The following CAPZB variants were observed in gnomAD, a reference collection of about 807,000 sequenced individuals.
The protein encoded by CAPZB is F-actin-capping protein subunit beta.
In CAPZB, 2 loss-of-function variants were observed where a neutral mutation model predicts 38.1. The observed-to-expected ratio is 0.05, with a 90% confidence interval of 0.02 to 0.17. CAPZB has a LOEUF of 0.17. CAPZB is among the 10% of genes least tolerant of loss of function. The probability of loss-of-function intolerance (pLI) is 1.00; values close to 1 mark genes in which losing one functional copy is unlikely to be tolerated. For missense variants in CAPZB, 161 were observed against 334.2 expected (o/e 0.48, Z 4.04); for synonymous variants, 107 against 127.4 (o/e 0.84, Z 1.08).
At chr1:19,389,349 G>A (rs1284775260) in intron 2 of CAPZB, among the ~76,000 whole-genome samples, 2 of 152,158 alleles carry the variant, frequency 1.3e-5, no homozygotes, top group Admixed American at 6.5e-5. Flanking sequence ...AACAGAGGGA[G>A]GCCAGTTCAG....
rs2094648590 is a variant in CAPZB at position 19,485,504 on chromosome 1, G to A, written c.-66C>T. On this transcript the variant is annotated 5_prime_UTR_variant, in exon 1 of 9. Coordinates refer to ENST00000264202, the MANE Select transcript of CAPZB (RefSeq NM_004930.5). ...GCTCTCCCCCCCGCAGCAGGGCCCG[G>A]CGCTTCCACTTCCCCGGGTGCCCAG... is the stretch of plus-strand genomic sequence containing the variant. 4.1e-6 allele frequency: 5 copies of A among 1,216,824 alleles called. No individual in the cohort carries two copies. Among genetic ancestry groups the A allele is most frequent in the Admixed American group, 8.5e-5 (2 of 23,500 alleles). 75.4% of individuals were successfully genotyped at this position (1,216,824 alleles called of 1,614,324 possible).
intron 2 of CAPZB, among the ~76,000 whole-genome samples, chr1:19,414,361 G>A (rs2094370290): frequency 1.3e-5 from 2 of 152,190 alleles, no homozygotes; most frequent in Non-Finnish European, 1.5e-5. Context: ...GCTGAAAACA[G>A]TTAACCTATG....
chr1:19,460,872 G>A (rs934468487), intron 1 of CAPZB, among the ~76,000 whole-genome samples: 2 of 152,070 alleles, frequency 1.3e-5, no homozygotes, highest in Non-Finnish European at 2.9e-5. Flanking sequence ...TTCTGAACAT[G>A]CATAAGCATA....
intron 1 of CAPZB, among the ~76,000 whole-genome samples, chr1:19,474,019 A>G (rs2094598601): frequency 6.6e-6 from 1 of 151,640 alleles, no homozygotes; most frequent in African/African-American, 2.4e-5. Flanking sequence ...TTTTTGAGAC[A>G]GGGTCTCACT....
chr1:19,369,412 C>T (rs1236594838), intron 4 of CAPZB, among the ~76,000 whole-genome samples: 1 of 152,266 alleles, frequency 6.6e-6, no homozygotes. Flanking sequence ...TCTGTGAAAA[C>T]AACACAATAG....
chr1:19,417,810 C>T (rs576656526), intron 2 of CAPZB, among the ~76,000 whole-genome samples: 5 of 152,264 alleles, frequency 3.3e-5, no homozygotes, highest in East Asian at 1.9e-4. Flanking sequence ...AAACTGGACC[C>T]GGCCAATCTA....
intron 1 of CAPZB, among the ~76,000 whole-genome samples, chr1:19,458,415 G>A (rs2094540058): frequency 6.6e-6 from 1 of 152,206 alleles, no homozygotes; most frequent in East Asian, 1.9e-4. Context: ...GTGCAGTGGT[G>A]CGATCTCAGC....
intron 4 of CAPZB, among the ~76,000 whole-genome samples, chr1:19,365,682 A>G (rs572162144): frequency 1.1e-4 from 16 of 152,082 alleles, no homozygotes; most frequent in African/African-American, 3.9e-4. Context: ...AAAACACACA[A>G]AATTAGTCGG....
intron 2 of CAPZB, among the ~76,000 whole-genome samples, chr1:19,410,907 C>T (rs1054331115): frequency 9.9e-5 from 15 of 152,190 alleles, no homozygotes; most frequent in Admixed American, 2.6e-4. Context: ...AGGTCAGAGA[C>T]TCACTGCCCT....
intron 1 of CAPZB, among the ~76,000 whole-genome samples, chr1:19,480,418 C>G (rs908112436): frequency 8.5e-5 from 13 of 152,198 alleles, no homozygotes; most frequent in African/African-American, 2.9e-4. Flanking sequence ...GAGTGGCAGA[C>G]AGGACTCAAA....
At position 19,341,672 on chromosome 1, in the gene CAPZB, G is replaced by A. The variant is rs371162738; in HGVS notation, c.732-2055C>T. Among the ~76,000 whole-genome samples, 39 of 152,314 alleles carry A rather than the reference G, an allele frequency of 2.6e-4. 1 individual carries two copies. The highest frequency in any genetic ancestry group is 7.9e-4 in the African/African-American group (33 of 41,576). ...CCAGGACGCCCCCAGTGGGCGGCCA[G>A]GGAACTGCACCATCACGGTGTATCT... On this transcript the variant is annotated intron_variant, in intron 8 of 8. Coordinates refer to ENST00000264202, the MANE Select transcript of CAPZB (RefSeq NM_004930.5).
Position 19,422,130 on chromosome 1 carries a change from G to A in CAPZB, c.4-2380C>T, listed in dbSNP as rs144894214. 1.6e-3 allele frequency among the ~76,000 whole-genome samples: 237 copies of A among 152,244 alleles called. 1 individual carries two copies. Among genetic ancestry groups the A allele is most frequent in the African/African-American group, 5.4e-3 (225 of 41,532 alleles). On this transcript the variant is annotated intron_variant, in intron 1 of 8. Coordinates refer to ENST00000264202, the MANE Select transcript of CAPZB (RefSeq NM_004930.5). ...TATAAACTAGTATTTCTCAACTAGG[G>A]ATGATTTTGCACACGTGCACACACA... is the stretch of plus-strand genomic sequence containing the variant.
intron 1 of CAPZB, among the ~76,000 whole-genome samples, chr1:19,431,590 G>A (rs1010373850): frequency 3.9e-5 from 6 of 152,008 alleles, no homozygotes; most frequent in Non-Finnish European, 8.8e-5. Context: ...GCGTGGTGGC[G>A]GGCGCCTGTA....
chr1:19,457,937 G>A (rs117595319), intron 1 of CAPZB, among the ~76,000 whole-genome samples: 17 of 152,276 alleles, frequency 1.1e-4, no homozygotes, highest in South Asian at 2.1e-4. Flanking sequence ...GATGTTTAAG[G>A]AGTAAACAGC....
rs201882034 is a variant in CAPZB at position 19,366,283 on chromosome 1, A to AATATATATATAT, written c.330-8732_330-8721dup. 4.4e-3 allele frequency among the ~76,000 whole-genome samples: 266 copies of AATATATATATAT among 60,464 alleles called. 7 individuals are homozygous for AATATATATATAT. The highest frequency in any genetic ancestry group is 0.016 in the African/African-American group (244 of 15,664). The allele number at this position is 60,464 out of a possible 152,430, so 39.7% of individuals were successfully genotyped here. On this transcript the variant is annotated intron_variant, in intron 4 of 8. Transcript: ENST00000264202. ...GCAACATAGTGAGACCGTGTCTTAA[A>AATATATATATAT]ATATATATATATATATATATATATA...
At chr1:19,470,062 A>T (rs773538478) in intron 1 of CAPZB, among the ~76,000 whole-genome samples, 1 of 152,142 alleles carries the variant, frequency 6.6e-6, no homozygotes, top group Non-Finnish European at 1.5e-5. Context: ...TCTACAAAAA[A>T]TACAAAAATT....
intron 1 of CAPZB, among the ~76,000 whole-genome samples, chr1:19,434,067 G>C (rs74056878): frequency 0.014 from 2,072 of 152,310 alleles, 54 homozygotes; most frequent in African/African-American, 0.047. Context: ...CCCAAGACCT[G>C]TCATAACGTT....
chr1:19,415,362 G>C lies in CAPZB; in HGVS notation c.93+4299C>G, dbSNP rs116717327. On this transcript the variant is annotated intron_variant, in intron 2 of 8. Transcript: ENST00000264202. ...CACGAGACAAAGGCCTGGATCCTTT[G>C]CCTTTAGACAGGTGCATAATAGTGT... is the stretch of plus-strand genomic sequence containing the variant. 2.0e-3 allele frequency among the ~76,000 whole-genome samples: 300 copies of C among 152,336 alleles called. 2 individuals are homozygous for C. Among genetic ancestry groups the C allele is most frequent in the African/African-American group, 7.0e-3 (290 of 41,570 alleles).
At position 19,416,964 on chromosome 1, in the gene CAPZB, A is replaced by G. The variant is rs1464312792; in HGVS notation, c.93+2697T>C. The stretch of plus-strand genomic sequence containing the variant: ...GTGGTAGATACGGCCTGGCACTTCA[A>G]CCTGTGTCCAAGTACCATCCTGCAA... On this transcript the variant is annotated intron_variant, in intron 2 of 8. Transcript: ENST00000264202. Among the ~76,000 whole-genome samples the G allele has an allele frequency of 1.3e-5, 2 of 151,552 alleles. 1 individual carries two copies. Among genetic ancestry groups the G allele is most frequent in the Non-Finnish European group, 2.9e-5 (2 of 67,946 alleles).
Sources: allele counts gnomAD v4.1 joint callset (sites outside exome capture counted in the v4.1 genomes callset), GRCh38; gene constraint gnomAD v4.1.1; transcripts MANE v1.5; gene names NCBI Gene and HGNC (gene_info 2026-07-23, HGNC 2026-07-21).